GRM5: variants seen among roughly 807,000 people sequenced by gnomAD.
The protein encoded by GRM5 is metabotropic glutamate receptor 5.
A neutral mutation model predicts 83.1 loss-of-function variants in GRM5; 19 were observed. That is an observed-to-expected ratio of 0.23 (90% CI 0.16 to 0.34). The LOEUF (loss-of-function observed/expected upper bound fraction) is 0.34, where lower values mean the gene tolerates loss of function less well. GRM5 is among the 10% of genes least tolerant of loss of function. The pLI is 1.00. For missense variants in GRM5, 1,160 were observed against 1,588.3 expected (o/e 0.73, Z 4.58); for synonymous variants, 675 against 633.6 (o/e 1.07, Z -0.98).
intron 2 of GRM5, among the ~76,000 whole-genome samples, chr11:88,935,349 A>G (rs1474679018): frequency 4.0e-5 from 6 of 151,074 alleles, no homozygotes; most frequent in Non-Finnish European, 8.9e-5. Context: ...TAGTGTGTGT[A>G]TGTGTGTGTG....
At chr11:88,524,648 A>G (rs1941819251) in intron 9 of GRM5, among the ~76,000 whole-genome samples, 1 of 152,236 alleles carries the variant, frequency 6.6e-6, no homozygotes, top group South Asian at 2.1e-4. Flanking sequence ...AGTGCCTAGT[A>G]TAAAAGAACA....
At chr11:88,696,675 T>C (rs1005920724) in intron 3 of GRM5, among the ~76,000 whole-genome samples, 2 of 152,208 alleles carry the variant, frequency 1.3e-5, no homozygotes, top group Non-Finnish European at 2.9e-5. Flanking sequence ...TTTCTGACTC[T>C]AGTTTATTTT....
intron 2 of GRM5, among the ~76,000 whole-genome samples, chr11:88,859,209 T>C (rs938042738): frequency 7.2e-5 from 11 of 151,924 alleles, no homozygotes; most frequent in Non-Finnish European, 1.3e-4. Flanking sequence ...GTGAAGACAA[T>C]ATATTTATAC....
At chr11:88,857,808 A>G (rs1944501199) in intron 2 of GRM5, among the ~76,000 whole-genome samples, 1 of 152,086 alleles carries the variant, frequency 6.6e-6, no homozygotes, top group African/African-American at 2.4e-5. Context: ...AAATGTGTAT[A>G]CATATTTTTA....
At chr11:89,018,542 A>C (rs1940911769) in intron 2 of GRM5, among the ~76,000 whole-genome samples, 1 of 152,288 alleles carries the variant, frequency 6.6e-6, no homozygotes, top group Non-Finnish European at 1.5e-5. Context: ...TATGTCTTGG[A>C]CATTTATCTA....
At chr11:88,623,878 T>C (rs7479024) in intron 4 of GRM5, among the ~76,000 whole-genome samples, 123,640 of 152,162 alleles carry the variant, frequency 0.81, 50,447 homozygotes, top group South Asian at 0.92. Context: ...TGGGCAATAT[T>C]CTTTAAATTA....
At chr11:88,972,577 C>A (rs559305598) in intron 2 of GRM5, among the ~76,000 whole-genome samples, 2 of 152,052 alleles carry the variant, frequency 1.3e-5, no homozygotes, top group African/African-American at 4.8e-5. Context: ...TTCTTCCAGG[C>A]CAACTAATTA....
intron 2 of GRM5, among the ~76,000 whole-genome samples, chr11:88,935,263 A>G (rs1281575821): frequency 6.6e-6 from 1 of 151,978 alleles, no homozygotes; most frequent in African/African-American, 2.4e-5. Context: ...GAAAGTGACA[A>G]AAATAAAAGG....
At chr11:88,983,613 C>A (rs1242846086) in intron 2 of GRM5, among the ~76,000 whole-genome samples, 2 of 152,184 alleles carry the variant, frequency 1.3e-5, no homozygotes, top group South Asian at 4.1e-4. Context: ...ACATACAGTA[C>A]CTAACACTCA....
chr11:88,613,804 T>C (rs1179335482), intron 4 of GRM5, among the ~76,000 whole-genome samples: 1 of 152,204 alleles, frequency 6.6e-6, no homozygotes. Flanking sequence ...GATATTAAAA[T>C]TAAGTTGCAC....
chr11:88,634,256 C>T lies in GRM5; in HGVS notation c.1147+18912G>A, dbSNP rs1939058269. ...CACTATGACTTTATAAACAATACAC[C>T]CTTAGGCTACACTAAATTTATAAAA... On this transcript the variant is annotated intron_variant, in intron 4 of 9. Transcript: ENST00000305447. 2.0e-5 allele frequency among the ~76,000 whole-genome samples: 3 copies of T among 152,156 alleles called. No homozygotes were observed. In the South Asian group the frequency reaches 6.2e-4, roughly 32 times the overall value.
intron 7 of GRM5, among the ~76,000 whole-genome samples, chr11:88,570,851 G>T (rs2135177739): frequency 6.6e-6 from 1 of 151,516 alleles, no homozygotes; most frequent in East Asian, 1.9e-4. Flanking sequence ...ACAGGCATGA[G>T]CCACTGTACC....
rs188776424 is a variant in GRM5, at chr11:88,931,109, T to C, written c.662-80954A>G. 3.6e-3 allele frequency among the ~76,000 whole-genome samples: 552 copies of C among 152,130 alleles called. 1 individual carries two copies. Among genetic ancestry groups the C allele is most frequent in the African/African-American group, 0.013 (530 of 41,546 alleles). ...TAAATGCTATTATATGTGCTATAGG[T>C]AAATACATGACTATTTTCAAATGAA... is the stretch of plus-strand genomic sequence containing the variant. On this transcript the variant is annotated intron_variant, in intron 2 of 9. Transcript: ENST00000305447.
intron 2 of GRM5, among the ~76,000 whole-genome samples, chr11:88,984,472 T>C (rs149630042): frequency 1.0e-3 from 159 of 152,260 alleles, no homozygotes; most frequent in Non-Finnish European, 1.7e-3. Context: ...GTACACTCTA[T>C]GATGTTCACA....
chr11:89,057,667 G>A (rs1016022584), intron 1 of GRM5, among the ~76,000 whole-genome samples: 1 of 151,924 alleles, frequency 6.6e-6, no homozygotes, highest in African/African-American at 2.4e-5. Flanking sequence ...TATAAAGCAG[G>A]GATTTTAGAC....
chr11:88,636,616 T>A (rs946336162), intron 4 of GRM5, among the ~76,000 whole-genome samples: 1 of 152,348 alleles, frequency 6.6e-6, no homozygotes, highest in South Asian at 2.1e-4. Context: ...ATATTATATG[T>A]TAATACAATT....
chr11:88,833,514 A>C (rs903956926), intron 3 of GRM5, among the ~76,000 whole-genome samples: 3 of 151,662 alleles, frequency 2.0e-5, no homozygotes, highest in South Asian at 2.1e-4. Context: ...GAAAAGGGAA[A>C]GACAATATTG....
intron 2 of GRM5, among the ~76,000 whole-genome samples, chr11:88,913,272 T>C (rs1945530581): frequency 6.6e-6 from 1 of 152,144 alleles, no homozygotes; most frequent in Admixed American, 6.5e-5. Flanking sequence ...TGATATCTCC[T>C]GTGCCTCTCT....
At chr11:88,659,469 G>A (rs984051998) in intron 3 of GRM5, among the ~76,000 whole-genome samples, 4 of 152,178 alleles carry the variant, frequency 2.6e-5, no homozygotes, top group Admixed American at 2.6e-4. Context: ...GTATGTTTTT[G>A]TTTGCTGTGC....
Sources: gnomAD v4.1 joint callset for allele counts (sites outside exome capture counted in the v4.1 genomes callset) on GRCh38, gnomAD v4.1.1 for gene constraint, MANE v1.5 for transcripts, NCBI Gene and HGNC (gene_info 2026-07-23, HGNC 2026-07-21) for gene names.